Variants in VAT1L observed in about 807,000 individuals in gnomAD.
VAT1L encodes putative NADPH-dependent quinone oxidoreductase VAT1L.
In VAT1L, 34 loss-of-function variants were observed where a neutral mutation model predicts 44.1. That is an observed-to-expected ratio of 0.77 (90% confidence interval 0.59 to 1.03). The LOEUF (loss-of-function observed/expected upper bound fraction) is 1.03. Among genes scored for constraint, VAT1L ranks in the 50% least tolerant of loss-of-function variants. The probability of loss-of-function intolerance (pLI) is 0.00; values close to 1 mark genes in which losing one functional copy is unlikely to be tolerated. For missense variants in VAT1L, 615 were observed against 538.8 expected, an observed-to-expected ratio of 1.14 and a Z score of -1.40; for synonymous variants, 253 against 202.2, an observed-to-expected ratio of 1.25 and a Z score of -2.13.
At chr16:77,862,640 A>C (rs1597072274) in intron 3 of VAT1L, 108 bp from the exon 4 acceptor site, 1 of 1,111,918 alleles carries the variant, frequency 9.0e-7, no homozygotes, top group African/African-American at 1.6e-5. Flanking sequence ...AAAAAAAAAA[A>C]AAAAAAAGTC....
intron 7 of VAT1L, among the ~76,000 whole-genome samples, chr16:77,893,492 G>T (rs769205235): frequency 2.6e-5 from 4 of 152,312 alleles, no homozygotes; most frequent in South Asian, 2.1e-4. Context: ...AGTCATAGTA[G>T]GCCATGAAAG....
intron 2 of VAT1L, among the ~76,000 whole-genome samples, chr16:77,823,209 C>A (rs1236098537): frequency 6.6e-6 from 1 of 151,820 alleles, no homozygotes; most frequent in Non-Finnish European, 1.5e-5. Context: ...TCCCTTGACC[C>A]CACCCACCAT....
chr16:77,929,619 G>A (rs377736922), intron 7 of VAT1L, among the ~76,000 whole-genome samples: 2 of 152,154 alleles, frequency 1.3e-5, no homozygotes, highest in South Asian at 2.1e-4. Flanking sequence ...GTGACAGATA[G>A]GGAGTCAGAT....
chr16:77,853,627 A>G (rs1458551562), intron 3 of VAT1L, among the ~76,000 whole-genome samples: 3 of 152,062 alleles, frequency 2.0e-5, no homozygotes, highest in Admixed American at 1.3e-4. Flanking sequence ...GGCCTGTTCA[A>G]ACTCAGGCTG....
chr16:77,861,330 C>T (rs1234050681), intron 3 of VAT1L, among the ~76,000 whole-genome samples: 1 of 152,194 alleles, frequency 6.6e-6, no homozygotes, highest in African/African-American at 2.4e-5. Flanking sequence ...CTGGGTTTTA[C>T]TGGAAAATGC....
chr16:77,975,813 C>T (rs2018334177), intron 8 of VAT1L, among the ~76,000 whole-genome samples: 2 of 152,216 alleles, frequency 1.3e-5, no homozygotes, highest in South Asian at 4.1e-4. Context: ...ACAGTACCAG[C>T]GGGCAGCCCT....
intron 3 of VAT1L, among the ~76,000 whole-genome samples, chr16:77,853,718 G>A (rs1034267366): frequency 7.9e-5 from 12 of 152,126 alleles, no homozygotes; most frequent in Admixed American, 5.9e-4. Context: ...GTCCCCAGGT[G>A]ATGTTGAGGC....
intron 3 of VAT1L, among the ~76,000 whole-genome samples, chr16:77,844,244 G>A (rs996646199): frequency 6.6e-6 from 1 of 152,038 alleles, no homozygotes; most frequent in Admixed American, 6.5e-5. Context: ...TACTAAACAG[G>A]TACAGACTTT....
intron 7 of VAT1L, among the ~76,000 whole-genome samples, chr16:77,958,881 A>G (rs1159119048): frequency 6.6e-6 from 1 of 152,200 alleles, no homozygotes; most frequent in Non-Finnish European, 1.5e-5. Context: ...CCCTTTAAAA[A>G]TCCTCTTGAA....
rs776000485 is a variant in VAT1L, at chr16:77,825,284, C to T, written c.402C>T (p.Ala134=). The T allele has an allele frequency of 6.2e-7, 1 of 1,614,152 alleles. No individual in the cohort carries two copies. Among genetic ancestry groups the T allele is most frequent in the East Asian group, 2.2e-5 (1 of 44,874 alleles). The change falls in exon 3 of 9, where the codon GCC becomes GCT. Residue 134 remains alanine (A), a synonymous_variant. Coordinates refer to ENST00000302536, the MANE Select transcript of VAT1L (RefSeq NM_020927.3). Reference sequence around the variant, plus strand: ...TCATGGCATTTGTCAATTACAATGCCTGGGCAGAGGTGGTCTGCACACCAG... The same window carrying T: ...TCATGGCATTTGTCAATTACAATGCTTGGGCAGAGGTGGTCTGCACACCAG... ...DRVMAFVNYN[A]WAEVVCTPVE...
chr16:77,914,384 A>T (rs939419549), intron 7 of VAT1L, among the ~76,000 whole-genome samples: 1 of 152,220 alleles, frequency 6.6e-6, no homozygotes, highest in Non-Finnish European at 1.5e-5. Flanking sequence ...ATTGTGTCCC[A>T]ACCCCACTTT....
chr16:77,867,149 A>G (rs1022060244), intron 4 of VAT1L, among the ~76,000 whole-genome samples: 2 of 152,204 alleles, frequency 1.3e-5, no homozygotes, highest in African/African-American at 4.8e-5. Context: ...AGGTAGGAAC[A>G]GATTTGGCCT....
rs145617340 is a variant in VAT1L, at chr16:77,936,195, G to C, written c.1078-35655G>C. Reference sequence around the variant, plus strand: ...AGCCATGGCCTGGAATAGCAAGCTGGACATTCCTGGTTATGTTACTATACT... The same window carrying C: ...AGCCATGGCCTGGAATAGCAAGCTGCACATTCCTGGTTATGTTACTATACT... On this transcript the variant is annotated intron_variant, in intron 7 of 8. Transcript: ENST00000302536. 3.0e-3 allele frequency among the ~76,000 whole-genome samples: 450 copies of C among 152,282 alleles called. 3 individuals are homozygous for C. The highest frequency in any genetic ancestry group is 0.01 in the African/African-American group (419 of 41,550).
intron 1 of VAT1L, among the ~76,000 whole-genome samples, chr16:77,789,547 T>C (rs919212938): frequency 6.6e-6 from 1 of 152,164 alleles, no homozygotes; most frequent in African/African-American, 2.4e-5. Flanking sequence ...TCCCGCCTCC[T>C]GCCCACTTCC....
intron 7 of VAT1L, among the ~76,000 whole-genome samples, chr16:77,895,123 C>CACACACACACACACACACA (rs1444617616): frequency 1.3e-5 from 2 of 151,780 alleles, no homozygotes; most frequent in African/African-American, 4.8e-5. Flanking sequence ...CACACTCACA[C>CACACACACACACACACACA]ATTTCCGATT....
intron 7 of VAT1L, among the ~76,000 whole-genome samples, chr16:77,965,653 A>T (rs937207901): frequency 6.6e-6 from 1 of 152,092 alleles, no homozygotes; most frequent in Non-Finnish European, 1.5e-5. Flanking sequence ...TGGGTGTGGG[A>T]CCATGGTCCT....
chr16:77,831,932 C>G (rs1323171352), intron 3 of VAT1L, among the ~76,000 whole-genome samples: 1 of 151,744 alleles, frequency 6.6e-6, no homozygotes, highest in Non-Finnish European at 1.5e-5. Context: ...TCTCCTGCCT[C>G]AGCCTCCCAA....
intron 7 of VAT1L, among the ~76,000 whole-genome samples, chr16:77,971,500 C>T (rs1397312092): frequency 6.6e-6 from 1 of 152,156 alleles, no homozygotes; most frequent in African/African-American, 2.4e-5. Flanking sequence ...GAAAATATCT[C>T]TATTGGTCAA....
chr16:77,931,904 T>G (rs962256898), intron 7 of VAT1L, among the ~76,000 whole-genome samples: 2 of 152,182 alleles, frequency 1.3e-5, no homozygotes, highest in African/African-American at 4.8e-5. Context: ...AAAACTTTGA[T>G]GTACTGTGAA....
Sources: allele counts gnomAD v4.1 joint callset (sites outside exome capture counted in the v4.1 genomes callset), GRCh38; gene constraint gnomAD v4.1.1; transcripts MANE v1.5; gene names NCBI Gene and HGNC (gene_info 2026-07-23, HGNC 2026-07-21).